Variants in DPP6 observed in about 807,000 individuals in gnomAD.
DPP6 encodes the protein dipeptidyl peptidase like 6.
DPP6 carries 69 observed loss-of-function variants against 122.6 expected under a neutral mutation model. The observed-to-expected ratio is 0.56, with a 90% CI of 0.46 to 0.69. The LOEUF (loss-of-function observed/expected upper bound fraction) is 0.69, where lower values mean the gene tolerates loss of function less well. DPP6 is among the 30% of genes least tolerant of loss of function. DPP6 has a pLI of 0.00. For synonymous variants in DPP6, 418 were observed against 433.1 expected (o/e 0.97, Z 0.43); for missense variants, 928 against 1,116.9 (o/e 0.83, Z 2.41).
chr7:154,868,291 A>G (rs999132407), intron 18 of DPP6, among the ~76,000 whole-genome samples, 198 bp downstream of exon 18: 2 of 152,128 alleles, frequency 1.3e-5, no homozygotes, highest in African/African-American at 4.8e-5. Context: ...AAACCAAAAA[A>G]AGCAGGGCAC....
intron 1 of DPP6, among the ~76,000 whole-genome samples, chr7:154,114,853 A>G (rs1232864323): frequency 1.3e-5 from 2 of 152,258 alleles, no homozygotes; most frequent in East Asian, 1.9e-4. Flanking sequence ...ACATCTGAGC[A>G]TTCATATCTG....
intron 3 of DPP6, among the ~76,000 whole-genome samples, chr7:154,537,131 A>G (rs1361064892): frequency 6.6e-6 from 1 of 152,182 alleles, no homozygotes; most frequent in Non-Finnish European, 1.5e-5. Context: ...CACAACTAAG[A>G]AAATGCACTT....
the DPP6 span, among the ~76,000 whole-genome samples, chr7:153,824,502 C>T: frequency 0.067 from 10,071 of 151,258 alleles, 358 homozygotes; most frequent in Non-Finnish European, 0.082. Flanking sequence ...GCATGGCCAA[C>T]GTGAGGAAAC....
intron 1 of DPP6, among the ~76,000 whole-genome samples, chr7:154,327,451 T>G (rs1808543925): frequency 6.6e-6 from 1 of 152,132 alleles, no homozygotes; most frequent in Admixed American, 6.5e-5. Context: ...TAGGAACAGA[T>G]TGCGAGTGAA....
intron 6 of DPP6, among the ~76,000 whole-genome samples, chr7:154,661,931 G>A (rs1292536934): frequency 1.3e-5 from 2 of 151,364 alleles, no homozygotes; most frequent in African/African-American, 4.9e-5. Flanking sequence ...GAATCACCAT[G>A]GCGTATTGGC....
chr7:154,028,762 T>C (rs2628752), intron 1 of DPP6, among the ~76,000 whole-genome samples: 54,343 of 149,258 alleles, frequency 0.36, 8,282 homozygotes, highest in African/African-American at 0.55. Flanking sequence ...GCCCACTCCA[T>C]GCTATGGCCT....
At position 154,002,177 on chromosome 7, in the gene DPP6, A is replaced by C. The variant is rs552680963; in HGVS notation, c.51+114443A>C. Among the ~76,000 whole-genome samples, 270 of 152,096 alleles carry C rather than the reference A, an allele frequency of 1.8e-3. 3 individuals are homozygous for C. The highest frequency in any genetic ancestry group is 5.5e-3 in the African/African-American group (229 of 41,352). On this transcript the variant is annotated intron_variant, in intron 1 of 25. Transcript: ENST00000404039. ...TGGCTCACATGTAGCTTGAGTGAAC[A>C]ATCACATTTAGCACAGTGCAGGCTT... is the stretch of plus-strand genomic sequence containing the variant.
chr7:153,775,860 T>G, the DPP6 span, among the ~76,000 whole-genome samples: 3 of 152,288 alleles, frequency 2.0e-5, no homozygotes, highest in Admixed American at 1.3e-4. Flanking sequence ...GGACTAAATC[T>G]AAAAAATATT....
the DPP6 span, among the ~76,000 whole-genome samples, chr7:153,854,348 G>T: frequency 1.2e-4 from 18 of 151,822 alleles, no homozygotes; most frequent in African/African-American, 4.4e-4. Flanking sequence ...TCTGACAAAG[G>T]GCTAATATCC....
At chr7:154,736,310 G>A (rs1308471478) in intron 8 of DPP6, among the ~76,000 whole-genome samples, 1 of 152,150 alleles carries the variant, frequency 6.6e-6, no homozygotes. Flanking sequence ...TAGAGTCAGG[G>A]TTTTGCAGGA....
intron 8 of DPP6, among the ~76,000 whole-genome samples, chr7:154,729,793 C>G (rs1236964858): frequency 1.3e-5 from 2 of 152,186 alleles, no homozygotes; most frequent in Non-Finnish European, 2.9e-5. Flanking sequence ...GCTGAAGAGT[C>G]CAGTTTCCTT....
At chr7:154,587,878 T>C in intron 5 of DPP6, 7 of 1,612,868 alleles carry the variant, frequency 4.3e-6, no homozygotes, top group Non-Finnish European at 5.9e-6. Context: ...AGATATTCCA[T>C]GGAGACCCTG....
chr7:154,461,659 A>G (rs1821313636), intron 2 of DPP6, among the ~76,000 whole-genome samples: 1 of 152,086 alleles, frequency 6.6e-6, no homozygotes. Context: ...TACCATTTGT[A>G]TGTCTTCTTT....
At chr7:154,789,385 A>T (rs1450676252) in intron 10 of DPP6, among the ~76,000 whole-genome samples, 1 of 152,210 alleles carries the variant, frequency 6.6e-6, no homozygotes, top group Non-Finnish European at 1.5e-5. Flanking sequence ...TTTCTGAGGG[A>T]AGAATAGTAC....
intron 13 of DPP6, among the ~76,000 whole-genome samples, chr7:154,802,425 T>G (rs568874304): frequency 6.6e-6 from 1 of 151,672 alleles, no homozygotes; most frequent in African/African-American, 2.4e-5. Context: ...CTCTTGGAGG[T>G]TCAGGTGCAA....
intron 1 of DPP6, among the ~76,000 whole-genome samples, chr7:153,980,745 T>A (rs1019447012): frequency 3.9e-5 from 6 of 152,212 alleles, no homozygotes; most frequent in Non-Finnish European, 8.8e-5. Context: ...TGGTACATTG[T>A]GCCTTTGTTC....
At chr7:153,923,210 C>G (rs1800724758) in intron 1 of DPP6, among the ~76,000 whole-genome samples, 2 of 152,188 alleles carry the variant, frequency 1.3e-5, no homozygotes, top group Non-Finnish European at 2.9e-5. Flanking sequence ...CTTAGAATCC[C>G]AGTCTCTTTA....
At chr7:154,871,690 C>T (rs980855851) in intron 18 of DPP6, among the ~76,000 whole-genome samples, 3 of 152,158 alleles carry the variant, frequency 2.0e-5, no homozygotes, top group Non-Finnish European at 4.4e-5. Context: ...AATTTGCAAG[C>T]CATTAACATT....
At chr7:153,863,616 G>T in the DPP6 span, among the ~76,000 whole-genome samples, 1 of 152,034 alleles carries the variant, frequency 6.6e-6, no homozygotes, top group Non-Finnish European at 1.5e-5. Context: ...GGAAATCAAT[G>T]ATTTTTTTAG....
Sources: gnomAD v4.1 joint callset for allele counts (sites outside exome capture counted in the v4.1 genomes callset) on GRCh38, gnomAD v4.1.1 for gene constraint, MANE v1.5 for transcripts, NCBI Gene and HGNC (gene_info 2026-07-23, HGNC 2026-07-21) for gene names.